FSTL5: variants seen among roughly 807,000 people sequenced by gnomAD.
FSTL5 encodes follistatin-related protein 5.
Under a neutral mutation model 89.1 loss-of-function variants are expected in FSTL5, and 62 were observed. The ratio of observed to expected loss-of-function variants is 0.70; its 90% CI spans 0.57 to 0.86. The LOEUF (loss-of-function observed/expected upper bound fraction) is 0.86. Among genes scored for constraint, FSTL5 ranks in the 40% least tolerant of loss-of-function variants. The probability of loss-of-function intolerance (pLI) is 0.00; values close to 1 mark genes in which losing one functional copy is unlikely to be tolerated. For missense variants in FSTL5, 1,057 were observed against 1,001.6 expected (o/e 1.06, Z -0.75); for synonymous variants, 383 against 346.2 (o/e 1.11, Z -1.18).
intron 4 of FSTL5, among the ~76,000 whole-genome samples, chr4:161,786,770 C>T (rs2126815880): frequency 6.6e-6 from 1 of 152,178 alleles, no homozygotes; most frequent in Non-Finnish European, 1.5e-5. Flanking sequence ...CCTCTATTTT[C>T]CCATGAAATT....
chr4:161,468,918 C>T (rs1244772888), intron 13 of FSTL5, among the ~76,000 whole-genome samples: 1 of 151,854 alleles, frequency 6.6e-6, no homozygotes, highest in African/African-American at 2.4e-5. Flanking sequence ...TTTTTTAAAA[C>T]TTTGGTCGAT....
In FSTL5 at chr4:161,969,029, G is replaced by A. The variant is rs910410299; in HGVS notation, c.161-48377C>T. ...TGTCCCTATTCAAAGAAATTTCCAA[G>A]GGCCATGAACTGATGACCTGGCCAT... On this transcript the variant is annotated intron_variant, in intron 3 of 15. Transcript: ENST00000306100. Among the ~76,000 whole-genome samples, 3 of 150,660 alleles carry A rather than the reference G, an allele frequency of 2.0e-5. No individual in the cohort carries two copies. The Admixed American group carries it at 2.0e-4, about 10-fold the overall frequency.
Position 162,034,541 on chromosome 4 carries a change from G to A in FSTL5, c.127-883C>T, listed in dbSNP as rs182609288. Among the ~76,000 whole-genome samples, 13 of 151,992 alleles carry A rather than the reference G, an allele frequency of 8.6e-5. 1 individual carries two copies. The highest frequency in any genetic ancestry group is 6.8e-3 in the Middle Eastern group (2 of 294). ...TTGACATTCTCCTTATTAGTTACCG[G>A]GCAACCCCAAAAGAATTAGCTTGCT... On this transcript the variant is annotated intron_variant, in intron 2 of 15. Transcript: ENST00000306100.
intron 4 of FSTL5, among the ~76,000 whole-genome samples, chr4:161,902,506 C>A (rs911529909): frequency 1.3e-5 from 2 of 152,100 alleles, no homozygotes; most frequent in Non-Finnish European, 2.9e-5. Context: ...GAATGTGTGT[C>A]TTTTTAAAGT....
chr4:161,878,163 G>T (rs1311762805), intron 4 of FSTL5, among the ~76,000 whole-genome samples: 3 of 151,986 alleles, frequency 2.0e-5, no homozygotes, highest in Non-Finnish European at 2.9e-5. Context: ...ATATTACTTA[G>T]ATATTATTTG....
chr4:161,972,934 C>T (rs916009101), intron 3 of FSTL5, among the ~76,000 whole-genome samples: 1 of 152,176 alleles, frequency 6.6e-6, no homozygotes, highest in Non-Finnish European at 1.5e-5. Flanking sequence ...TGCAAATAAT[C>T]ATATCGCTGC....
intron 4 of FSTL5, among the ~76,000 whole-genome samples, chr4:161,825,077 T>G (rs1730624718): frequency 4.6e-5 from 7 of 152,108 alleles, no homozygotes; most frequent in Admixed American, 3.3e-4. Flanking sequence ...TCTATGCCAA[T>G]TTTTCTAAGG....
chr4:161,693,554 G>A (rs1371663373), intron 6 of FSTL5, among the ~76,000 whole-genome samples: 2 of 149,464 alleles, frequency 1.3e-5, no homozygotes, highest in Non-Finnish European at 3.0e-5. Context: ...TTAGTAATTT[G>A]TGTGTTTCTA....
intron 7 of FSTL5, among the ~76,000 whole-genome samples, chr4:161,654,143 G>A (rs1275032337): frequency 6.6e-6 from 1 of 152,086 alleles, no homozygotes; most frequent in East Asian, 1.9e-4. Flanking sequence ...TTCTGAAACA[G>A]AGTGAAGTAT....
chr4:161,532,938 A>C (rs1285946478), intron 10 of FSTL5, among the ~76,000 whole-genome samples: 1 of 152,174 alleles, frequency 6.6e-6, no homozygotes, highest in Non-Finnish European at 1.5e-5. Context: ...TCAAAACAAC[A>C]GAAATACAGA....
At chr4:162,099,574 G>A (rs1730904385) in intron 2 of FSTL5, among the ~76,000 whole-genome samples, 1 of 151,986 alleles carries the variant, frequency 6.6e-6, no homozygotes, top group African/African-American at 2.4e-5. Context: ...TGATAAGCTG[G>A]ACTTCATTAA....
At chr4:161,589,256 A>G (rs1733725649) in intron 7 of FSTL5, among the ~76,000 whole-genome samples, 1 of 151,798 alleles carries the variant, frequency 6.6e-6, no homozygotes. Context: ...TCACTGCAAC[A>G]TCTGCTTCCT....
chr4:162,012,069 G>GA (rs1560969387), intron 3 of FSTL5, among the ~76,000 whole-genome samples: 7 of 152,144 alleles, frequency 4.6e-5, no homozygotes, highest in African/African-American at 1.4e-4. Context: ...TTGATGTTCA[G>GA]TAAGCGCGTA....
At chr4:161,443,651 C>G (rs951839417) in intron 15 of FSTL5, among the ~76,000 whole-genome samples, 51 of 151,864 alleles carry the variant, frequency 3.4e-4, no homozygotes, top group African/African-American at 1.1e-3. Context: ...GGTTGAATGC[C>G]TTCAACACAA....
rs146766555 is a variant in FSTL5 at position 161,561,630 on chromosome 4, A to T, written c.1016-18937T>A. ...GTAAAAATTGTAGCTCAAAAAACTG[A>T]ACAATAATAACAAGGCAAAAAAAAA... On this transcript the variant is annotated intron_variant, in intron 8 of 15. Transcript: ENST00000306100. Among the ~76,000 whole-genome samples, 1,229 of 152,104 alleles carry T rather than the reference A, an allele frequency of 8.1e-3. 13 individuals carry two copies. The highest frequency in any genetic ancestry group is 0.027 in the African/African-American group (1,128 of 41,522).
intron 6 of FSTL5, among the ~76,000 whole-genome samples, chr4:161,694,620 C>T (rs1214674978): frequency 1.3e-5 from 2 of 151,996 alleles, no homozygotes; most frequent in Non-Finnish European, 2.9e-5. Flanking sequence ...ATAAATTCAA[C>T]ACCTAGGCTT....
chr4:161,499,950 C>T (rs963362948), intron 12 of FSTL5, 66 bp downstream of exon 12: 2 of 907,386 alleles, frequency 2.2e-6, no homozygotes, highest in African/African-American at 1.7e-5. Flanking sequence ...TGTTATATTT[C>T]CAAAACGTAA....
intron 10 of FSTL5, among the ~76,000 whole-genome samples, chr4:161,513,272 G>GGGAGAGAGAGAGA (rs1349844190): frequency 3.6e-5 from 4 of 109,976 alleles, no homozygotes; most frequent in Admixed American, 1.1e-4. Context: ...ACAAGGAGGG[G>GGGAGAGAGAGAGA]GAGAGAGAGA....
At chr4:161,786,992 G>A (rs937571854) in intron 4 of FSTL5, among the ~76,000 whole-genome samples, 2 of 152,068 alleles carry the variant, frequency 1.3e-5, no homozygotes, top group Non-Finnish European at 2.9e-5. Flanking sequence ...TATGCATCAT[G>A]TTTTAACAAT....
Sources: allele counts gnomAD v4.1 joint callset (sites outside exome capture counted in the v4.1 genomes callset), GRCh38; gene constraint gnomAD v4.1.1; transcripts MANE v1.5; gene names NCBI Gene and HGNC (gene_info 2026-07-23, HGNC 2026-07-21).